The following TNXB variants were observed in gnomAD, a reference collection of about 807,000 sequenced individuals.
The protein encoded by TNXB is tenascin XB.
A neutral mutation model predicts 340.5 loss-of-function variants in TNXB; 183 were observed. The observed-to-expected ratio is 0.54, with a 90% confidence interval of 0.48 to 0.61. The LOEUF (loss-of-function observed/expected upper bound fraction) is 0.61. Among genes scored for constraint, TNXB ranks in the 20% least tolerant of loss-of-function variants. The probability of loss-of-function intolerance (pLI) is 0.00; values close to 1 mark genes in which losing one functional copy is unlikely to be tolerated. For missense variants in TNXB, 4,613 were observed against 5,446.4 expected (o/e 0.85, Z 4.82); for synonymous variants, 2,121 against 2,314.5 (o/e 0.92, Z 2.40).
At position 32,061,802 on chromosome 6, in the gene TNXB, T is replaced by C; in HGVS notation, c.7169-82A>G. On this transcript the variant is annotated intron_variant, in intron 20 of 43. Coordinates refer to ENST00000644971, the MANE Select transcript of TNXB (RefSeq NM_001365276.2). This position sits in a 1 kb window ranked among gnomAD's most constrained non-coding sequence, Gnocchi z 4.4. ...GTGGGGAAAAGGAGGGAGAAGGCTA[T>C]GACTAGGGGACATATGAAATAGCCA... 3 of 1,530,836 alleles carry C rather than the reference T, an allele frequency of 2.0e-6. No homozygotes were observed. Among genetic ancestry groups the C allele is most frequent in the Non-Finnish European group, 2.7e-6 (3 of 1,131,392 alleles). 94.8% of individuals were successfully genotyped at this position (1,530,836 alleles called of 1,614,324 possible).
Position 32,064,060 on chromosome 6 carries a change from C to T in TNXB, c.6841+761G>A, listed in dbSNP as rs1778183519. Among the ~76,000 whole-genome samples the T allele has an allele frequency of 6.6e-6, 1 of 152,156 alleles. No homozygotes were observed. The highest frequency in any genetic ancestry group is 2.4e-5 in the African/African-American group (1 of 41,432). On this transcript the variant is annotated intron_variant, in intron 19 of 43. Coordinates refer to ENST00000644971, the MANE Select transcript of TNXB (RefSeq NM_001365276.2). This position sits in a 1 kb window ranked among gnomAD's most constrained non-coding sequence, Gnocchi z 5.3. ...GCCCTAAGCGGTTTTCAGGAACTAC[C>T]TACCTTCCTCAGAAGGGAAAGACTG...
Position 32,052,070 on chromosome 6 carries a change from T to C in TNXB, c.9115+600A>G, listed in dbSNP as rs116761202. 0.013 allele frequency among the ~76,000 whole-genome samples: 1,980 copies of C among 152,306 alleles called. 39 individuals carry two copies. The highest frequency in any genetic ancestry group is 0.045 in the African/African-American group (1,851 of 41,550). ...AGAAAGCGATTAGAATGGCGAATTA[T>C]GTCAAGTGTACTTTACTACAATAAA... On this transcript the variant is annotated intron_variant, in intron 26 of 43. Transcript: ENST00000644971. The surrounding 1 kb of genome is among the most constrained non-coding windows in gnomAD (Gnocchi z 4.7).
rs200041899 is a variant in TNXB, at chr6:32,055,966, G to T, written c.8352C>A (p.Gly2784=). 1 of 1,613,430 alleles carries T rather than the reference G, an allele frequency of 6.2e-7. No individual in the cohort carries two copies. Among genetic ancestry groups the T allele is most frequent in the Non-Finnish European group, 8.5e-7 (1 of 1,179,870 alleles). ...CCCCCACGGTGACCTCGCTCTCCTCGCCCCTGACACGCATCACCTGGGGCC... is the reference window on the plus strand; with the variant it reads ...CCCCCACGGTGACCTCGCTCTCCTCTCCCCTGACACGCATCACCTGGGGCC... ...DGRPQVMRVR[G]EESEVTVGGL... Residue 2784 remains glycine (G), a synonymous_variant, in exon 24 of 44, where the codon GGC becomes GGA. Coordinates refer to ENST00000644971, the MANE Select transcript of TNXB (RefSeq NM_001365276.2).
intron 21 of TNXB, among the ~76,000 whole-genome samples, chr6:32,060,491 CAGAAT>C (rs1212039739): frequency 6.6e-6 from 1 of 151,868 alleles, no homozygotes; most frequent in Admixed American, 6.5e-5. Context: ...TTGGACTATG[CAGAAT>C]AGAATAATAC....
chr6:32,057,297 G>A (rs1438774404), intron 22 of TNXB, among the ~76,000 whole-genome samples: 3 of 152,136 alleles, frequency 2.0e-5, no homozygotes, highest in Non-Finnish European at 4.4e-5. Flanking sequence ...CAGAGCCTGG[G>A]GTGTGTTCCT....
At position 32,062,412 on chromosome 6, in the gene TNXB, G is replaced by A. The variant is rs185625145; in HGVS notation, c.6913C>T (p.Arg2305Cys). Residue 2305 changes from arginine (R) to cysteine (C), a missense_variant, in exon 20 of 44, where the codon CGC (arginine) becomes TGC (cysteine). This residue lies in a region of TNXB where 4,327 missense variants were observed against 4,859.4 expected (regional missense o/e 0.89). Transcript: ENST00000644971. The surrounding 1 kb of genome is among the most constrained non-coding windows in gnomAD (Gnocchi z 4.3). Reference sequence around the variant, plus strand: ...TCTGTCACGGTCAGCTCCTCCAGGCGAGGCTTGATGGGGGGTTCAGGGGTG... The same window carrying A: ...TCTGTCACGGTCAGCTCCTCCAGGCAAGGCTTGATGGGGGGTTCAGGGGTG... ...PPTPEPPIKP[R>C]LEELTVTDAT... is the part of the protein sequence containing the mutation. 5.3e-5 allele frequency: 85 copies of A among 1,613,146 alleles called. No homozygotes were observed. In the African/African-American group the frequency reaches 6.1e-4, roughly 12 times the overall value.
intron 4 of TNXB, among the ~76,000 whole-genome samples, chr6:32,093,046 T>C (rs1780150693): frequency 6.6e-6 from 1 of 152,256 alleles, no homozygotes; most frequent in Non-Finnish European, 1.5e-5. Context: ...GATCGGTTTG[T>C]ATTTATTTAC....
Position 32,050,204 on chromosome 6 carries a change from A to G in TNXB, c.9233T>C (p.Leu3078Pro). 4.3e-6 allele frequency: 7 copies of G among 1,613,822 alleles called. No homozygotes were observed. The highest frequency in any genetic ancestry group is 5.1e-6 in the Non-Finnish European group (6 of 1,179,866). ...CTGGCCCTCGGGAACCATCCAGGAC[A>G]GGCTGAGGGAGTCGGGGGTGGCATC... is the stretch of plus-strand genomic sequence containing the variant. Reference protein sequence around the residue: ...VTDATPDSLSLSWMVPEGQFD... With the variant: ...VTDATPDSLSPSWMVPEGQFD... Residue 3078 changes from leucine to proline, a missense_variant, in exon 27 of 44, where the codon CTG becomes CCG. This residue lies in a region of TNXB where 4,327 missense variants were observed against 4,859.4 expected (regional missense o/e 0.89). Coordinates refer to ENST00000644971, the MANE Select transcript of TNXB (RefSeq NM_001365276.2).
In TNXB at chr6:32,070,504, A is replaced by G; in HGVS notation, c.4991-90T>C. ...GCTGGAAAAACCCAGAACTGCCCAA[A>G]TGCTCAGTGCTTCCCCAAAATATTT... On this transcript the variant is annotated intron_variant, in intron 13 of 43. Transcript: ENST00000644971. The surrounding 1 kb of genome is among the most constrained non-coding windows in gnomAD (Gnocchi z 6.0). 1 of 1,342,140 alleles carries G rather than the reference A, an allele frequency of 7.5e-7. No individual in the cohort carries two copies. The highest frequency in any genetic ancestry group is 2.5e-5 in the East Asian group (1 of 39,630). The allele number at this position is 1,342,140 out of a possible 1,614,324, so 83.1% of individuals were successfully genotyped here. A position where few individuals can be genotyped will look rare whatever the true frequency, so the allele number is the denominator to read the frequency against.
In TNXB at chr6:32,075,239, C is replaced by T. The variant is rs1340986758; in HGVS notation, c.4376-1287G>A. Among the ~76,000 whole-genome samples, 1 of 152,230 alleles carries T rather than the reference C, an allele frequency of 6.6e-6. No individual in the cohort carries two copies. Among genetic ancestry groups the T allele is most frequent in the Non-Finnish European group, 1.5e-5 (1 of 68,038 alleles). On this transcript the variant is annotated intron_variant, in intron 11 of 43. Transcript: ENST00000644971. This position sits in a 1 kb window ranked among gnomAD's most constrained non-coding sequence, Gnocchi z 4.6. ...AGAAGGATCCTGTTAACACATTAGCCAGAGCTGGTTCCCGCAGTGGCTTCT... is the reference window on the plus strand; with the variant it reads ...AGAAGGATCCTGTTAACACATTAGCTAGAGCTGGTTCCCGCAGTGGCTTCT...
In TNXB at chr6:32,068,628, G is replaced by A. The variant is rs761774730; in HGVS notation, c.5982C>T (p.Thr1994=). Residue 1994 remains threonine (T), a synonymous_variant, in exon 17 of 44, where the codon ACC becomes ACT. Transcript: ENST00000644971. This position sits in a 1 kb window ranked among gnomAD's most constrained non-coding sequence, Gnocchi z 5.3. ...GGGAGTCAGGGGTGGCATCTGTCACGGTCAGCTCCCCCAGGCGAGGCTTGA... is the reference window on the plus strand; with the variant it reads ...GGGAGTCAGGGGTGGCATCTGTCACAGTCAGCTCCCCCAGGCGAGGCTTGA... ...PPIKPRLGEL[T]VTDATPDSLS... The A allele has an allele frequency of 4.5e-5, 73 of 1,613,754 alleles. No homozygotes were observed. Among genetic ancestry groups the A allele is most frequent in the Non-Finnish European group, 5.7e-5 (67 of 1,179,878 alleles).
chr6:32,056,502 G>T (rs901705983), intron 23 of TNXB, 84 bp downstream of exon 23: 142 of 1,551,040 alleles, frequency 9.2e-5, no homozygotes, highest in Non-Finnish European at 1.2e-4. Context: ...CGGACCCCTG[G>T]CCCATTCCCC....
rs1582379807 is a variant in TNXB, at chr6:32,058,592, A to G, written c.7493-202T>C. Among the ~76,000 whole-genome samples, 1 of 151,948 alleles carries G rather than the reference A, an allele frequency of 6.6e-6. No homozygotes were observed. Among genetic ancestry groups the G allele is most frequent in the African/African-American group, 2.4e-5 (1 of 41,224 alleles). ...AGCCCCCGGCCTGTACTGCTGGCAG[A>G]GCTGCACTGTTAGAAACCTCCAGAA... On this transcript the variant is annotated intron_variant, in intron 21 of 43. Transcript: ENST00000644971. The surrounding 1 kb of genome is among the most constrained non-coding windows in gnomAD (Gnocchi z 5.1).
rs986634827 is a variant in TNXB, at chr6:32,067,896, C to T, written c.6309G>A (p.Val2103=). The T allele has an allele frequency of 1.2e-6, 2 of 1,612,664 alleles. No individual in the cohort carries two copies. The highest frequency in any genetic ancestry group is 2.7e-5 in the African/African-American group (2 of 74,892). ...AEEPLLGELT[V]TGSSPDSLSL... is the part of the protein sequence containing the mutation. ...TCAGCGAGTCAGGGGAGGATCCTGT[C>T]ACTGTTAGCTCCCCCAGGAGCGGCT... Residue 2103 remains valine, a synonymous_variant, in exon 18 of 44, where the codon GTG becomes GTA. Transcript: ENST00000644971. The surrounding 1 kb of genome is among the most constrained non-coding windows in gnomAD (Gnocchi z 4.2).
chr6:32,056,028 C>T lies in TNXB; in HGVS notation c.8290G>A (p.Asp2764Asn), dbSNP rs1202460287. ...TCCTTGTACTGCACGGTGAAGGAGT[C>T]GAAGTGGCCCTGGGGGATGGTCCAG... The part of the protein sequence containing the change: ...LSWTIPQGHF[D>N]SFTVQYKDRD... Residue 2764 changes from aspartate to asparagine, a missense_variant, in exon 24 of 44, where the codon GAC (aspartate) becomes AAC (asparagine). Asp to Asn is a conservative substitution (Grantham distance 23, BLOSUM62 1). Coordinates refer to ENST00000644971, the MANE Select transcript of TNXB (RefSeq NM_001365276.2). 9 of 1,612,936 alleles carry T rather than the reference C, an allele frequency of 5.6e-6. No individual in the cohort carries two copies. The highest frequency in any genetic ancestry group is 2.7e-5 in the African/African-American group (2 of 74,906).
chr6:32,069,808 G>T lies in TNXB; in HGVS notation c.5332C>A (p.Leu1778Met), dbSNP rs757479436. 3.1e-6 allele frequency: 5 copies of T among 1,609,984 alleles called. No individual in the cohort carries two copies. Among genetic ancestry groups the T allele is most frequent in the African/African-American group, 1.3e-5 (1 of 74,990 alleles). Residue 1778 changes from leucine to methionine, a missense_variant, in exon 15 of 44, where the codon CTG (leucine) becomes ATG (methionine). Leu to Met is a conservative substitution (Grantham distance 15). This residue lies in a region of TNXB where 4,327 missense variants were observed against 4,859.4 expected (regional missense o/e 0.89). Transcript: ENST00000644971. This position sits in a 1 kb window ranked among gnomAD's most constrained non-coding sequence, Gnocchi z 6.2. ...GTGGTCACCTGCAGCTCCTCCCCCA[G>T]ACGGGGTTTTGGGGGACGCTTTGTT... The part of the protein sequence containing the change: ...TGTKRPPKPR[L>M]GEELQVTTVT...
In TNXB at chr6:32,096,914, C is replaced by A. The variant is rs571721025; in HGVS notation, c.939G>T (p.Arg313=). Residue 313 remains arginine, a synonymous_variant, in exon 3 of 44, where the codon CGG becomes CGT. Coordinates refer to ENST00000644971, the MANE Select transcript of TNXB (RefSeq NM_001365276.2). ...TGCAGCGTCCCCGCTGGCTGCAGCC[C>A]CGAGGGCAGCTCCTCACCCCACAGT... ...GEDCGVRSCP[R]GCSQRGRCKD... 32 of 1,578,136 alleles carry A rather than the reference C, an allele frequency of 2.0e-5. 1 individual carries two copies. The East Asian group carries it at 6.5e-4, about 32-fold the overall frequency.
At position 32,090,044 on chromosome 6, in the gene TNXB, G is replaced by C. The variant is rs1053234987; in HGVS notation, c.2359-665C>G. Among the ~76,000 whole-genome samples the C allele has an allele frequency of 9.2e-5, 14 of 152,282 alleles. No homozygotes were observed. Among genetic ancestry groups the C allele is most frequent in the Admixed American group, 2.6e-4 (4 of 15,296 alleles). ...GGACCCGCATCACAACCTTTCCCTT[G>C]AGGGACTTTTCTTGTCTCTTCACCC... is the stretch of plus-strand genomic sequence containing the variant. On this transcript the variant is annotated intron_variant, in intron 4 of 43. Transcript: ENST00000644971. The surrounding 1 kb of genome is among the most constrained non-coding windows in gnomAD (Gnocchi z 4.3).
chr6:32,078,276 G>A (rs1483823246), intron 11 of TNXB, among the ~76,000 whole-genome samples: 1 of 150,942 alleles, frequency 6.6e-6, no homozygotes, highest in African/African-American at 2.4e-5. Context: ...GGTGAACCCC[G>A]TCTCTACTAA....
Sources: allele counts gnomAD v4.1 joint callset (sites outside exome capture counted in the v4.1 genomes callset), GRCh38; gene constraint gnomAD v4.1.1; regional missense constraint gnomAD v4.1.1; non-coding constraint Gnocchi (gnomAD v3.1); transcripts MANE v1.5; gene names NCBI Gene and HGNC (gene_info 2026-07-23, HGNC 2026-07-21).